The following RANBP2 variants were observed in gnomAD, a reference collection of about 807,000 sequenced individuals.
The protein encoded by RANBP2 is RAN binding protein 2, also known as E3 SUMO-protein ligase RanBP2.
A neutral mutation model predicts 303.6 loss-of-function variants in RANBP2; 57 were observed. The ratio of observed to expected loss-of-function variants is 0.19; its 90% CI spans 0.15 to 0.23. RANBP2 has a LOEUF of 0.23. Ranked by LOEUF, RANBP2 falls within the 10% of genes least tolerant of loss-of-function variation. The pLI is 1.00. For missense variants in RANBP2, 3,138 were observed against 3,780.8 expected, an observed-to-expected ratio of 0.83 and a Z score of 4.46; for synonymous variants, 1,167 against 1,301.5, an observed-to-expected ratio of 0.90 and a Z score of 2.23.
At chr2:109,300,214 C>T in the RANBP2 span, among the ~76,000 whole-genome samples, 5,116 of 151,748 alleles carry the variant, frequency 0.034, 207 homozygotes, top group African/African-American at 0.09. Flanking sequence ...TTTTTCTTTT[C>T]TTTGAGATAG....
the RANBP2 span, among the ~76,000 whole-genome samples, chr2:109,084,089 T>C: frequency 6.6e-6 from 1 of 152,162 alleles, no homozygotes. Context: ...GGAGTTAGGT[T>C]CCTGGCACAG....
chr2:108,917,448 G>A, the RANBP2 span, among the ~76,000 whole-genome samples: 1 of 152,144 alleles, frequency 6.6e-6, no homozygotes, highest in African/African-American at 2.4e-5. Flanking sequence ...AACGTTTGAG[G>A]TCATGGATAT....
the RANBP2 span, among the ~76,000 whole-genome samples, chr2:109,318,604 C>T: frequency 6.6e-6 from 1 of 152,188 alleles, no homozygotes; most frequent in Non-Finnish European, 1.5e-5. Flanking sequence ...CTGAGGGGAT[C>T]GTCTCATGCT....
the RANBP2 span, among the ~76,000 whole-genome samples, chr2:109,335,682 G>T: frequency 6.6e-6 from 1 of 152,066 alleles, no homozygotes; most frequent in Non-Finnish European, 1.5e-5. Context: ...ACTCCACCCG[G>T]GTGGGGACCT....
chr2:109,126,083 C>A, the RANBP2 span, among the ~76,000 whole-genome samples: 1 of 152,242 alleles, frequency 6.6e-6, no homozygotes, highest in Non-Finnish European at 1.5e-5. Flanking sequence ...AGGGCTGGAG[C>A]TGGGCAGCAG....
the RANBP2 span, among the ~76,000 whole-genome samples, chr2:109,450,610 T>G: frequency 2.6e-5 from 4 of 152,384 alleles, no homozygotes; most frequent in South Asian, 4.1e-4. Flanking sequence ...CAGAATATTA[T>G]TGTTTCAACA....
chr2:108,983,031 T>C, the RANBP2 span, among the ~76,000 whole-genome samples: 1 of 152,122 alleles, frequency 6.6e-6, no homozygotes, highest in Admixed American at 6.6e-5. Flanking sequence ...CATAAAGAAA[T>C]CCATCAACAG....
chr2:109,422,276 C>T, the RANBP2 span, among the ~76,000 whole-genome samples: 1 of 152,192 alleles, frequency 6.6e-6, no homozygotes, highest in African/African-American at 2.4e-5. Context: ...CCAGATGGGG[C>T]TGATGTGAAA....
chr2:109,702,267 G>T, the RANBP2 span, among the ~76,000 whole-genome samples: 1 of 152,184 alleles, frequency 6.6e-6, no homozygotes, highest in African/African-American at 2.4e-5. Flanking sequence ...AACAAACTTG[G>T]AGGGTTAAAA....
At chr2:108,818,694 C>CT in the RANBP2 span, among the ~76,000 whole-genome samples, 4 of 151,674 alleles carry the variant, frequency 2.6e-5, no homozygotes, top group East Asian at 1.9e-4. Flanking sequence ...ATCTTAAAAT[C>CT]TTTTTTTTGT....
At chr2:108,884,330 T>C in the RANBP2 span, 1 of 152,214 alleles carries the variant, frequency 6.6e-6, no homozygotes, top group Non-Finnish European at 1.5e-5. Flanking sequence ...AGAGGCACTT[T>C]GGAAGATAAA....
At chr2:109,494,242 C>T in the RANBP2 span, among the ~76,000 whole-genome samples, 2 of 152,200 alleles carry the variant, frequency 1.3e-5, no homozygotes, top group East Asian at 1.9e-4. Context: ...GACTCACTCC[C>T]GTTCTCTGAG....
chr2:109,304,388 A>C, the RANBP2 span, among the ~76,000 whole-genome samples: 2 of 152,110 alleles, frequency 1.3e-5, no homozygotes, highest in South Asian at 2.1e-4. Flanking sequence ...ATGTCCTCCA[A>C]GTTCATCCAT....
the RANBP2 span, among the ~76,000 whole-genome samples, chr2:109,421,664 G>T: frequency 6.6e-6 from 1 of 152,200 alleles, no homozygotes; most frequent in African/African-American, 2.4e-5. Context: ...TTCTCCCCCA[G>T]GGGAGGGCAC....
the RANBP2 span, among the ~76,000 whole-genome samples, chr2:109,659,976 T>C: frequency 6.6e-6 from 1 of 152,130 alleles, no homozygotes; most frequent in Non-Finnish European, 1.5e-5. Context: ...TGCTGAGCTG[T>C]TGTCTCAGGC....
the RANBP2 span, among the ~76,000 whole-genome samples, chr2:108,832,941 T>G: frequency 1.3e-5 from 2 of 152,122 alleles, no homozygotes; most frequent in Admixed American, 6.6e-5. Context: ...AGACAGGAAA[T>G]GGTTTTAAGC....
At chr2:108,837,703 A>G in the RANBP2 span, among the ~76,000 whole-genome samples, 1 of 152,210 alleles carries the variant, frequency 6.6e-6, no homozygotes. Context: ...CTTGATCATA[A>G]ACAACCATGT....
chr2:109,564,702 C>T, the RANBP2 span, among the ~76,000 whole-genome samples: 75 of 152,144 alleles, frequency 4.9e-4, no homozygotes, highest in Non-Finnish European at 2.8e-4. Flanking sequence ...AAGGAAGAAA[C>T]TCTTGCAGTA....
the RANBP2 span, among the ~76,000 whole-genome samples, chr2:109,484,953 A>G: frequency 2.3e-4 from 35 of 152,352 alleles, no homozygotes; most frequent in African/African-American, 7.7e-4. Flanking sequence ...GTTAAAGTGT[A>G]CGATTGTGTT....
Sources: allele counts gnomAD v4.1 joint callset (sites outside exome capture counted in the v4.1 genomes callset), GRCh38; gene constraint gnomAD v4.1.1; transcripts MANE v1.5; gene names NCBI Gene and HGNC (gene_info 2026-07-23, HGNC 2026-07-21).